HTR4: variants seen among roughly 807,000 people sequenced by gnomAD.
The protein encoded by HTR4 is 5-hydroxytryptamine receptor 4.
HTR4 carries 16 observed loss-of-function variants against 36.8 expected under a neutral mutation model. The observed-to-expected ratio is 0.43, with a 90% CI of 0.29 to 0.66. The LOEUF is 0.66. Among genes scored for constraint, HTR4 ranks in the 30% least tolerant of loss-of-function variants. The pLI is 0.13. For missense variants in HTR4, 438 were observed against 490.9 expected, an observed-to-expected ratio of 0.89 and a Z score of 1.02; for synonymous variants, 189 against 185.1, an observed-to-expected ratio of 1.02 and a Z score of -0.17.
intron 2 of HTR4, among the ~76,000 whole-genome samples, chr5:148,561,353 A>C (rs1346051131): frequency 6.6e-6 from 1 of 151,290 alleles, no homozygotes; most frequent in East Asian, 2.0e-4. Context: ...TGTAAAGCCA[A>C]GGCAGGATAG....
At chr5:148,611,789 C>T (rs1187445079) in intron 2 of HTR4, among the ~76,000 whole-genome samples, 6 of 151,260 alleles carry the variant, frequency 4.0e-5, no homozygotes, top group East Asian at 2.0e-4. Flanking sequence ...ACCCATCTCA[C>T]GTGCAGAGAC....
In HTR4 at chr5:148,482,363, TAGA is replaced by T. The variant is rs1316676826; in HGVS notation, c.*837_*839del. 1.9e-5 allele frequency: 19 copies of T among 985,428 alleles called. No homozygotes were observed. The highest frequency in any genetic ancestry group is 3.5e-5 in the African/African-American group (2 of 57,254). 61.0% of individuals were successfully genotyped at this position (985,428 alleles called of 1,614,324 possible). ...GTTGCTAGCCCTGCCCAAGGCTTTT[TAGA>T]AGACGTCCCGTTCTAGCCCAGCAGG... is the stretch of plus-strand genomic sequence containing the variant. On this transcript the variant is annotated 3_prime_UTR_variant, in exon 7 of 7. Transcript: ENST00000377888.
At chr5:148,504,750 G>A (rs1409720140) in intron 6 of HTR4, among the ~76,000 whole-genome samples, 2 of 152,102 alleles carry the variant, frequency 1.3e-5, no homozygotes, top group East Asian at 1.9e-4. Flanking sequence ...CCGCTAGCAA[G>A]ACTAATAAAG....
intron 6 of HTR4, among the ~76,000 whole-genome samples, chr5:148,490,250 T>G (rs935621367): frequency 2.0e-5 from 3 of 150,694 alleles, no homozygotes; most frequent in African/African-American, 7.3e-5. Context: ...TATCCAATAT[T>G]TTTTCCAAAT....
intron 5 of HTR4, among the ~76,000 whole-genome samples, chr5:148,458,407 T>G (rs1207168916): frequency 1.3e-5 from 2 of 152,014 alleles, no homozygotes; most frequent in Non-Finnish European, 2.9e-5. Context: ...GCCTTGGACA[T>G]ATCAGAGTGG....
downstream of HTR4, among the ~76,000 whole-genome samples, chr5:148,477,579 C>G (rs1244656244): frequency 6.6e-6 from 1 of 152,188 alleles, no homozygotes; most frequent in Non-Finnish European, 1.5e-5. Context: ...ATTAACTTCT[C>G]TGACGTACAG....
At chr5:148,595,330 T>C (rs952735866) in intron 2 of HTR4, among the ~76,000 whole-genome samples, 9 of 152,098 alleles carry the variant, frequency 5.9e-5, no homozygotes, top group African/African-American at 1.9e-4. Flanking sequence ...TGGACACAGA[T>C]GCCCCAGCTC....
chr5:148,639,427 A>T (rs1026391365), intron 1 of HTR4, among the ~76,000 whole-genome samples: 1 of 151,754 alleles, frequency 6.6e-6, no homozygotes, highest in African/African-American at 2.4e-5. Context: ...GTAGGTTCCC[A>T]TCTCAGGGCC....
At chr5:148,523,489 G>C (rs191977381) in intron 4 of HTR4, 143 bp from the exon 5 acceptor site, 2 of 524,816 alleles carry the variant, frequency 3.8e-6, no homozygotes, top group Non-Finnish European at 6.4e-6. Flanking sequence ...GAGAAGAGTC[G>C]GAGGGGAAGC....
chr5:148,538,951 G>A (rs1024493590), intron 4 of HTR4, among the ~76,000 whole-genome samples: 1 of 152,116 alleles, frequency 6.6e-6, no homozygotes, highest in African/African-American at 2.4e-5. Flanking sequence ...AAAGCTGGAG[G>A]CGTCACCTCA....
chr5:148,636,226 G>A (rs1367458235), intron 2 of HTR4, among the ~76,000 whole-genome samples: 2 of 152,138 alleles, frequency 1.3e-5, no homozygotes, highest in African/African-American at 4.8e-5. Flanking sequence ...CAAGGCCCCT[G>A]ATCTATACCT....
intron 4 of HTR4, among the ~76,000 whole-genome samples, chr5:148,523,838 C>T (rs1222625140): frequency 6.6e-6 from 1 of 152,114 alleles, no homozygotes; most frequent in Admixed American, 6.5e-5. Flanking sequence ...CTCTGCCCAG[C>T]CCTCTGGGCC....
In HTR4 at chr5:148,582,361, T is replaced by A. The variant is rs147885052; in HGVS notation, c.27-32099A>T. Among the ~76,000 whole-genome samples the A allele has an allele frequency of 5.4e-3, 824 of 152,158 alleles. 5 individuals are homozygous for A. Among genetic ancestry groups the A allele is most frequent in the Non-Finnish European group, 9.0e-3 (615 of 67,982 alleles). ...GGGTTTGTTACGTGGGTATATTGTG[T>A]GATGCTGAGGTTTGGGGTAGGATTG... On this transcript the variant is annotated intron_variant, in intron 2 of 6. Transcript: ENST00000377888.
intron 2 of HTR4, among the ~76,000 whole-genome samples, chr5:148,575,314 C>A (rs1166991318): frequency 6.6e-6 from 1 of 151,982 alleles, no homozygotes; most frequent in African/African-American, 2.4e-5. Context: ...AACTGGATTC[C>A]TTTCTTTTTC....
At chr5:148,452,460 T>TGTG (rs1754995954) in intron 5 of HTR4, among the ~76,000 whole-genome samples, 1 of 152,130 alleles carries the variant, frequency 6.6e-6, no homozygotes, top group South Asian at 2.1e-4. Context: ...CATTTTTGGT[T>TGTG]GTCACTGAAG....
At chr5:148,618,090 G>A (rs1752771634) in intron 2 of HTR4, among the ~76,000 whole-genome samples, 1 of 152,156 alleles carries the variant, frequency 6.6e-6, no homozygotes, top group African/African-American at 2.4e-5. Context: ...AACTCTAGGG[G>A]AAAAACAGTC....
chr5:148,628,679 C>G (rs1224915623), intron 2 of HTR4: 1 of 152,106 alleles, frequency 6.6e-6, no homozygotes, highest in African/African-American at 2.4e-5. Flanking sequence ...TCCTCTGAAA[C>G]TCTTTTTATT....
intron 3 of HTR4, among the ~76,000 whole-genome samples, chr5:148,549,695 C>T (rs536774568): frequency 2.6e-5 from 4 of 152,232 alleles, no homozygotes; most frequent in African/African-American, 9.6e-5. Flanking sequence ...ATACTAATAC[C>T]ACACGATGAT....
At chr5:148,653,978 T>G in intron 1 of HTR4, 84 bp downstream of exon 1, 35 of 825,654 alleles carry the variant, frequency 4.2e-5, no homozygotes, top group Non-Finnish European at 5.0e-5. Flanking sequence ...CCCGACCCCG[T>G]CGTGCTGCCC....
Sources: allele counts gnomAD v4.1 joint callset (sites outside exome capture counted in the v4.1 genomes callset), GRCh38; gene constraint gnomAD v4.1.1; transcripts MANE v1.5; gene names NCBI Gene and HGNC (gene_info 2026-07-23, HGNC 2026-07-21).